Variants in ST3GAL5 observed in about 807,000 individuals in gnomAD.
The protein encoded by ST3GAL5 is ST3 beta-galactoside alpha-2,3-sialyltransferase 5, also known as lactosylceramide alpha-2,3-sialyltransferase.
In ST3GAL5, 25 loss-of-function variants were observed where a neutral mutation model predicts 46.1. The ratio of observed to expected loss-of-function variants is 0.54; its 90% CI spans 0.40 to 0.76. ST3GAL5 has a LOEUF of 0.76. Among genes scored for constraint, ST3GAL5 ranks in the 30% least tolerant of loss-of-function variants. The pLI is 0.00. For missense variants in ST3GAL5, 431 were observed against 521.2 expected (o/e 0.83, Z 1.69); for synonymous variants, 182 against 192.7 (o/e 0.94, Z 0.46).
chr2:85,848,420 G>T, intron 3 of ST3GAL5: 2 of 1,521,376 alleles, frequency 1.3e-6, no homozygotes, highest in East Asian at 2.6e-5. Flanking sequence ...ACACAGCAGG[G>T]TATTCATTTC....
chr2:85,846,626 C>T, intron 4 of ST3GAL5, 63 bp from the exon 5 acceptor site: 1 of 1,513,158 alleles, frequency 6.6e-7, no homozygotes, highest in African/African-American at 1.4e-5. Flanking sequence ...CTCTGTACAC[C>T]AGGCAGTATC....
Position 85,861,187 on chromosome 2 carries a change from A to AC in ST3GAL5, c.311_312insG (p.His104GlnfsTer31). 2 of 1,596,748 alleles carry AC rather than the reference A, an allele frequency of 1.3e-6. No homozygotes were observed. The highest frequency in any genetic ancestry group is 1.7e-6 in the Non-Finnish European group (2 of 1,164,694). On this transcript the variant is annotated frameshift_variant, in exon 3 of 7. Transcript: ENST00000638572. LOFTEE classifies it high-confidence loss of function. ...CACCAATGGGATATCTAACCTTTAC[A>AC]TGGTCAGGGTCCACATAATGCATTT...
At chr2:85,868,476 ATTT>A (rs33930859) in intron 1 of ST3GAL5, among the ~76,000 whole-genome samples, 1 of 134,286 alleles carries the variant, frequency 7.4e-6, no homozygotes. Context: ...TAATTTTTGT[ATTT>A]TTTTTTTTTT....
intron 4 of ST3GAL5, among the ~76,000 whole-genome samples, chr2:85,847,171 T>C (rs541242630): frequency 2.4e-4 from 36 of 152,272 alleles, no homozygotes; most frequent in African/African-American, 8.2e-4. Context: ...GAGTCTGAAC[T>C]TCTCTGTGTG....
At chr2:85,855,950 G>A (rs1000585729) in intron 3 of ST3GAL5, 1 of 152,180 alleles carries the variant, frequency 6.6e-6, no homozygotes, top group African/African-American at 2.4e-5. Flanking sequence ...AATAACAAAT[G>A]TTGATAAAGA....
rs1272089535 is a variant in ST3GAL5 at position 85,840,942 on chromosome 2, C to CAAAAAAAAAA, written c.1009-560_1009-551dup. ...CTGGCGACAGAGCAAGACTCTGTCT[C>CAAAAAAAAAA]AAAAAAAAAAAAAAAAAAAAAAAAG... On this transcript the variant is annotated intron_variant, in intron 6 of 6. Coordinates refer to ENST00000638572, the MANE Select transcript of ST3GAL5 (RefSeq NM_003896.4). 2.9e-3 allele frequency among the ~76,000 whole-genome samples: 71 copies of CAAAAAAAAAA among 24,180 alleles called. 6 individuals carry two copies. Among genetic ancestry groups the CAAAAAAAAAA allele is most frequent in the East Asian group, 0.012 (7 of 564 alleles). The allele number at this position is 24,180 out of a possible 152,430, so 15.9% of individuals were successfully genotyped here.
chr2:85,867,092 ACCAG>A (rs1445382499), intron 1 of ST3GAL5, among the ~76,000 whole-genome samples: 3 of 152,318 alleles, frequency 2.0e-5, no homozygotes, highest in Non-Finnish European at 4.4e-5. Flanking sequence ...GGAGTTTGAG[ACCAG>A]CCTGGGCAAC....
intron 2 of ST3GAL5, among the ~76,000 whole-genome samples, chr2:85,862,389 T>A (rs1684822996): frequency 1.3e-5 from 2 of 152,120 alleles, no homozygotes; most frequent in Admixed American, 1.3e-4. Flanking sequence ...TCACTGAGAC[T>A]CTTTAATACC....
chr2:85,867,425 TATAAG>T (rs1331407648), intron 1 of ST3GAL5, among the ~76,000 whole-genome samples: 1 of 152,058 alleles, frequency 6.6e-6, no homozygotes, highest in African/African-American at 2.4e-5. Context: ...CACTGAAAAA[TATAAG>T]AAAAAGGCAG....
intron 1 of ST3GAL5, among the ~76,000 whole-genome samples, chr2:85,875,031 C>G (rs916291653): frequency 2.0e-5 from 3 of 152,022 alleles, no homozygotes; most frequent in Non-Finnish European, 4.4e-5. Flanking sequence ...CTGTCTCCCC[C>G]CCACCATGGA....
At chr2:85,888,065 CG>C (rs1687955313) in intron 1 of ST3GAL5, 1 of 152,066 alleles carries the variant, frequency 6.6e-6, no homozygotes, top group Non-Finnish European at 1.5e-5. Flanking sequence ...TAGAAAAACC[CG>C]GGGCCTGGAA....
At chr2:85,840,727 C>T (rs1242672780) in intron 6 of ST3GAL5, among the ~76,000 whole-genome samples, 24 of 151,906 alleles carry the variant, frequency 1.6e-4, no homozygotes, top group African/African-American at 5.8e-4. Context: ...GGGCGGATCA[C>T]GAGGTCAAGA....
intron 3 of ST3GAL5, chr2:85,854,879 C>CT (rs1459686814): frequency 1.3e-5 from 2 of 152,230 alleles, no homozygotes; most frequent in African/African-American, 4.8e-5. Context: ...GAGGGACGAT[C>CT]AGGGATAGCC....
At chr2:85,871,332 C>T (rs1157705372) in intron 1 of ST3GAL5, among the ~76,000 whole-genome samples, 2 of 152,202 alleles carry the variant, frequency 1.3e-5, no homozygotes, top group Admixed American at 6.5e-5. Flanking sequence ...TTACTGTTTA[C>T]TATAGGCACC....
At chr2:85,882,834 C>CA (rs71377050) in intron 1 of ST3GAL5, among the ~76,000 whole-genome samples, 137 of 132,278 alleles carry the variant, frequency 1.0e-3, no homozygotes, top group Middle Eastern at 3.8e-3. Flanking sequence ...GACTCTGTCT[C>CA]AAAAAAAAAA....
At chr2:85,858,500 G>A (rs1229085792) in intron 3 of ST3GAL5, among the ~76,000 whole-genome samples, 3 of 152,070 alleles carry the variant, frequency 2.0e-5, no homozygotes, top group Non-Finnish European at 4.4e-5. Context: ...TAGTAGAGAC[G>A]GGGTTTCACC....
chr2:85,842,632 C>T (rs1048341569), intron 6 of ST3GAL5, among the ~76,000 whole-genome samples: 1 of 152,150 alleles, frequency 6.6e-6, no homozygotes, highest in African/African-American at 2.4e-5. Context: ...AACTAACAGA[C>T]AGATTATAAA....
intron 3 of ST3GAL5, 65 bp from the exon 4 acceptor site, chr2:85,848,269 G>A: frequency 1.9e-6 from 3 of 1,612,694 alleles, no homozygotes; most frequent in Middle Eastern, 1.6e-4. Flanking sequence ...TACTCTTCTA[G>A]ATGACAATTT....
intron 2 of ST3GAL5, among the ~76,000 whole-genome samples, chr2:85,863,124 A>T (rs1414883473): frequency 6.6e-6 from 1 of 152,232 alleles, no homozygotes; most frequent in Non-Finnish European, 1.5e-5. Context: ...AGGCCAAGGT[A>T]GAGAGCCTGA....
Sources: gnomAD v4.1 joint callset for allele counts (sites outside exome capture counted in the v4.1 genomes callset) on GRCh38, gnomAD v4.1.1 for gene constraint, MANE v1.5 for transcripts, NCBI Gene and HGNC (gene_info 2026-07-23, HGNC 2026-07-21) for gene names.